The following IL17REL variants were observed in gnomAD, a reference collection of about 807,000 sequenced individuals.
IL17REL encodes interleukin 17 receptor E like.
IL17REL carries 36 observed loss-of-function variants against 49.0 expected under a neutral mutation model. The observed-to-expected ratio is 0.73, with a 90% confidence interval of 0.56 to 0.97. The LOEUF (loss-of-function observed/expected upper bound fraction) is 0.97. Among genes scored for constraint, IL17REL ranks in the 50% least tolerant of loss-of-function variants. The pLI, the probability that IL17REL is intolerant of heterozygous loss-of-function variation, is 0.00. For synonymous variants in IL17REL, 206 were observed against 192.4 expected, an observed-to-expected ratio of 1.07 and a Z score of -0.58; for missense variants, 470 against 453.9, an observed-to-expected ratio of 1.04 and a Z score of -0.32.
exon 6 of IL17REL, chr22:49,999,489 C>T (rs750777726): frequency 6.3e-7 from 1 of 1,587,754 alleles, no homozygotes; most frequent in Non-Finnish European, 8.6e-7. Context: ...CTGGGAGACG[C>T]TGTTGGCGGT....
rs189547612 is a variant in IL17REL at position 49,998,117 on chromosome 22, C to T, written c.774+20G>A. The T allele has an allele frequency of 1.3e-5, 21 of 1,595,072 alleles. No individual in the cohort carries two copies. In the East Asian group the frequency reaches 4.5e-4, roughly 34 times the overall value. On this transcript the variant is annotated intron_variant, in intron 8 of 12. Coordinates refer to ENST00000341280, the Ensembl canonical transcript of IL17REL. ...TGTGGCATCCATGCCCACCCCCATC[C>T]CTGCTGAGCAGGCACTCACTCTGCG...
intron 10 of IL17REL, 27 bp downstream of exon 12, chr22:49,997,658 A>G (rs2061045204): frequency 2.5e-6 from 4 of 1,605,946 alleles, no homozygotes; most frequent in East Asian, 2.2e-5. Context: ...CTGCGTCCAC[A>G]TTGCGTAGGC....
Position 49,997,315 on chromosome 22 carries a change from C to G in IL17REL, c.974+5G>C. On this transcript the variant is annotated splice_donor_5th_base_variant and intron_variant, in intron 11 of 12. Transcript: ENST00000341280. ...CCAGGATGGAGCCCCACTCTCTCGG[C>G]TCACTGAGGCTGAAGGGAGCGGGCT... The G allele has an allele frequency of 6.2e-7, 1 of 1,612,440 alleles. No homozygotes were observed. The highest frequency in any genetic ancestry group is 8.5e-7 in the Non-Finnish European group (1 of 1,179,136).
At chr22:49,997,905 T>C in intron 9 of IL17REL, 120 bp downstream of exon 11, 1 of 1,448,976 alleles carries the variant, frequency 6.9e-7, no homozygotes. Context: ...GAGGGGGCTC[T>C]GAGGGACGCC....
chr22:49,999,750 C>CG (rs1779370677), intron 5 of IL17REL, 78 bp downstream of exon 7: 2 of 1,146,036 alleles, frequency 1.7e-6, no homozygotes, highest in African/African-American at 3.6e-5. Context: ...GTGGGCGGGG[C>CG]CTAAGGCTGA....
chr22:50,001,261 G>A (rs895784551), intron 1 of IL17REL, 30 bp from the exon 3 acceptor site: 38 of 953,786 alleles, frequency 4.0e-5, no homozygotes, highest in Non-Finnish European at 5.7e-5. Context: ...GTGAGGCCTC[G>A]AGTTCCCTGG....
At chr22:49,998,422 A>G (rs1403768089) in intron 7 of IL17REL, 113 bp from the exon 10 acceptor site, 2 of 575,346 alleles carry the variant, frequency 3.5e-6, no homozygotes, top group Non-Finnish European at 2.9e-6. Context: ...GCGCAGTCCT[A>G]TGGGTCTCTG....
chr22:49,999,790 G>C (rs1310484085), intron 5 of IL17REL, 38 bp downstream of exon 7: 1 of 1,455,798 alleles, frequency 6.9e-7, no homozygotes, highest in African/African-American at 1.5e-5. Context: ...GGTGGGCGGG[G>C]CCTAAGGCTG....
chr22:50,010,602 C>A (rs1601894770), upstream of IL17REL, among the ~76,000 whole-genome samples: 1 of 152,318 alleles, frequency 6.6e-6, no homozygotes, highest in Middle Eastern at 3.4e-3. Flanking sequence ...GGCTCGGAGG[C>A]CGGGGTGGGC....
At chr22:50,005,147 G>A (rs924224554) in intron 1 of IL17REL, among the ~76,000 whole-genome samples, 38 of 152,194 alleles carry the variant, frequency 2.5e-4, no homozygotes, top group African/African-American at 8.2e-4. Context: ...CTGACAAAAT[G>A]AAGAGGAGGC....
chr22:49,995,255 A>G (rs1190788143), exon 13 of IL17REL: 2 of 152,550 alleles, frequency 1.3e-5, no homozygotes, highest in South Asian at 2.1e-4. Flanking sequence ...GGCCAGGGAC[A>G]GTGGCCATGA....
upstream of IL17REL, among the ~76,000 whole-genome samples, chr22:50,010,406 G>A (rs1394745343): frequency 6.6e-6 from 1 of 152,254 alleles, no homozygotes; most frequent in African/African-American, 2.4e-5. Context: ...GACCAGCCCG[G>A]GCACAGAGGG....
chr22:49,998,663 G>T (rs1055102205), intron 7 of IL17REL, among the ~76,000 whole-genome samples: 4 of 149,640 alleles, frequency 2.7e-5, no homozygotes, highest in East Asian at 2.0e-4. Context: ...GGTGTCATGG[G>T]TATGGGTGTG....
At chr22:49,993,206 C>T (rs561865371), downstream of IL17REL, among the ~76,000 whole-genome samples, 1 of 152,198 alleles carries the variant, frequency 6.6e-6, no homozygotes, top group African/African-American at 2.4e-5. The surrounding 1 kb of genome is among the most constrained non-coding windows in gnomAD (Gnocchi z 6.0). Flanking sequence ...GGTGCTGGGT[C>T]GGGGCCCAGG....
intron 4 of IL17REL, 97 bp from the exon 6 acceptor site, chr22:50,000,337 A>T (rs1273126218): frequency 4.3e-6 from 3 of 694,980 alleles, no homozygotes; most frequent in Non-Finnish European, 7.4e-6. Flanking sequence ...TGCCTCTGTC[A>T]TGCGACCTCG....
Position 49,999,923 on chromosome 22 carries a change from GA to G in IL17REL, c.378del (p.Leu127TrpfsTer33). Reference sequence around the variant, plus strand: ...CCGGAGGCCCTGGGCACTTGCACCAGAATCGCCTTGCGCCTCCGGTCCACCC... The same window carrying G: ...CCGGAGGCCCTGGGCACTTGCACCAGATCGCCTTGCGCCTCCGGTCCACCC... On this transcript the variant is annotated frameshift_variant, in exon 5 of 13. Coordinates refer to ENST00000341280, the Ensembl canonical transcript of IL17REL. LOFTEE classifies it high-confidence loss of function. 1 of 1,536,216 alleles carries G rather than the reference GA, an allele frequency of 6.5e-7. No homozygotes were observed. The highest frequency in any genetic ancestry group is 8.8e-7 in the Non-Finnish European group (1 of 1,140,772).
chr22:49,997,214 G>C, intron 11 of IL17REL, 106 bp downstream of exon 13: 1 of 1,414,016 alleles, frequency 7.1e-7, no homozygotes, highest in Non-Finnish European at 9.8e-7. Flanking sequence ...TAGACCCTGG[G>C]TGGGCTCAGG....
intron 1 of IL17REL, among the ~76,000 whole-genome samples, chr22:50,003,331 G>A (rs1457634739): frequency 2.0e-5 from 3 of 151,910 alleles, no homozygotes; most frequent in African/African-American, 4.8e-5. Context: ...AGACCAGCCT[G>A]GCCAACATGG....
In IL17REL at chr22:49,997,754, G is replaced by A. The variant is rs2061045874; in HGVS notation, c.820-12C>T. ...CAACTGGTAGAGAACTGCAAAGTGGGGTGAGGGGTGCAGGAGGGTGGAGTG... is the reference window on the plus strand; with the variant it reads ...CAACTGGTAGAGAACTGCAAAGTGGAGTGAGGGGTGCAGGAGGGTGGAGTG... On this transcript the variant is annotated splice_polypyrimidine_tract_variant and intron_variant, in intron 9 of 12. Transcript: ENST00000341280. The A allele has an allele frequency of 1.9e-6, 3 of 1,613,612 alleles. No homozygotes were observed. The highest frequency in any genetic ancestry group is 1.3e-5 in the African/African-American group (1 of 74,932).
Sources: gnomAD v4.1 joint callset for allele counts (sites outside exome capture counted in the v4.1 genomes callset) on GRCh38, gnomAD v4.1.1 for gene constraint, Gnocchi (gnomAD v3.1) non-coding constraint, MANE v1.5 for transcripts, NCBI Gene and HGNC (gene_info 2026-07-23, HGNC 2026-07-21) for gene names.